Variants in CACNB2 observed in about 807,000 individuals in gnomAD.
The protein encoded by CACNB2 is calcium voltage-gated channel auxiliary subunit beta 2, also known as voltage-dependent L-type calcium channel subunit beta-2.
A neutral mutation model predicts 73.3 loss-of-function variants in CACNB2; 42 were observed. The ratio of observed to expected loss-of-function variants is 0.57; its 90% CI spans 0.45 to 0.74. The LOEUF is 0.74. Among genes scored for constraint, CACNB2 ranks in the 30% least tolerant of loss-of-function variants. The pLI, the probability that CACNB2 is intolerant of heterozygous loss-of-function variation, is 0.00. For synonymous variants in CACNB2, 348 were observed against 310.3 expected (o/e 1.12, Z -1.28); for missense variants, 940 against 853.0 (o/e 1.10, Z -1.27).
rs2050290692 is a variant in CACNB2, at chr10:18,502,976, A to T, written c.593+2028A>T. Among the ~76,000 whole-genome samples, 9 of 152,162 alleles carry T rather than the reference A, an allele frequency of 5.9e-5. 1 individual carries two copies. Among genetic ancestry groups the T allele is most frequent in the Admixed American group, 5.9e-4 (9 of 15,278 alleles). Reference sequence around the variant, plus strand: ...AAACTAAAAGTAAAAAAAGAAAAAAAAGTTGCCTGTAAAGATAACCCTCTT... The same window carrying T: ...AAACTAAAAGTAAAAAAAGAAAAAATAGTTGCCTGTAAAGATAACCCTCTT... On this transcript the variant is annotated intron_variant, in intron 5 of 13. Transcript: ENST00000324631.
At chr10:18,534,683 G>A (rs2053390203) in intron 11 of CACNB2, among the ~76,000 whole-genome samples, 2 of 152,170 alleles carry the variant, frequency 1.3e-5, no homozygotes, top group African/African-American at 4.8e-5. Flanking sequence ...TCCTTATAAA[G>A]TAGTAAAGTT....
chr10:18,194,877 C>T lies in CACNB2; in HGVS notation c.213+43902C>T, dbSNP rs77362621. On this transcript the variant is annotated intron_variant, in intron 2 of 13. Coordinates refer to ENST00000324631, the MANE Select transcript of CACNB2 (RefSeq NM_201596.3). Reference sequence around the variant, plus strand: ...CAGTTTCGACATCATGATGTCCATTCACTTTATAGTGATGTTGATTTCCAG... The same window carrying T: ...CAGTTTCGACATCATGATGTCCATTTACTTTATAGTGATGTTGATTTCCAG... 9.7e-3 allele frequency among the ~76,000 whole-genome samples: 1,477 copies of T among 152,258 alleles called. 33 individuals carry two copies. Among genetic ancestry groups the T allele is most frequent in the African/African-American group, 0.034 (1,401 of 41,544 alleles).
At chr10:18,462,578 G>A (rs1315036675) in intron 3 of CACNB2, among the ~76,000 whole-genome samples, 1 of 152,092 alleles carries the variant, frequency 6.6e-6, no homozygotes, top group African/African-American at 2.4e-5. Context: ...TTAAGCAAAT[G>A]TAAACAGTGT....
chr10:18,228,816 TG>T (rs2036117035), intron 2 of CACNB2, among the ~76,000 whole-genome samples: 2 of 152,180 alleles, frequency 1.3e-5, no homozygotes, highest in Admixed American at 1.3e-4. Flanking sequence ...CCCAGCTCGC[TG>T]CAGCCTCTGC....
chr10:18,224,845 C>T (rs1172154251), intron 2 of CACNB2, among the ~76,000 whole-genome samples: 2 of 152,224 alleles, frequency 1.3e-5, no homozygotes, highest in South Asian at 2.1e-4. Context: ...GTTAAAGGGC[C>T]TCAGTCCTCC....
chr10:18,313,938 A>G (rs2040057986), intron 2 of CACNB2, among the ~76,000 whole-genome samples: 1 of 152,244 alleles, frequency 6.6e-6, no homozygotes, highest in Admixed American at 6.5e-5. Context: ...ATTCCGCTTC[A>G]TTGAAATGTT....
chr10:18,463,270 TC>T (rs1261565620), intron 3 of CACNB2, among the ~76,000 whole-genome samples: 2 of 151,984 alleles, frequency 1.3e-5, no homozygotes, highest in African/African-American at 4.8e-5. Flanking sequence ...ACACCTGTAA[TC>T]CCAGCATTTT....
chr10:18,399,178 A>G (rs1300264893), intron 2 of CACNB2, among the ~76,000 whole-genome samples: 1 of 151,984 alleles, frequency 6.6e-6, no homozygotes, highest in Non-Finnish European at 1.5e-5. Context: ...GACAGTGGGG[A>G]CAGGGGCCCC....
intron 2 of CACNB2, among the ~76,000 whole-genome samples, chr10:18,255,008 T>C (rs2037225056): frequency 6.6e-6 from 1 of 152,026 alleles, no homozygotes. Flanking sequence ...CATGAGAGCA[T>C]CATCTTTTGC....
At chr10:18,174,320 C>G (rs988807390) in intron 2 of CACNB2, among the ~76,000 whole-genome samples, 4 of 145,926 alleles carry the variant, frequency 2.7e-5, no homozygotes, top group Admixed American at 1.4e-4. Context: ...TCCCTCCCTC[C>G]CCCCTCTTTT....
chr10:18,250,913 G>A (rs1225872021), intron 2 of CACNB2, among the ~76,000 whole-genome samples: 1 of 152,256 alleles, frequency 6.6e-6, no homozygotes, highest in African/African-American at 2.4e-5. Context: ...TTGGTAGTTA[G>A]GTGTTGGGAG....
At chr10:18,194,615 C>T (rs191668470) in intron 2 of CACNB2, among the ~76,000 whole-genome samples, 43 of 152,276 alleles carry the variant, frequency 2.8e-4, no homozygotes, top group Admixed American at 2.2e-3. Context: ...CTGGGACAGG[C>T]AATCACAGCT....
chr10:18,460,449 G>T (rs1311934643), intron 3 of CACNB2, among the ~76,000 whole-genome samples: 1 of 152,106 alleles, frequency 6.6e-6, no homozygotes, highest in East Asian at 1.9e-4. Context: ...TCTAATATGT[G>T]TAGGGATATT....
At chr10:18,320,561 G>C (rs2040363439) in intron 2 of CACNB2, among the ~76,000 whole-genome samples, 1 of 152,176 alleles carries the variant, frequency 6.6e-6, no homozygotes, top group Non-Finnish European at 1.5e-5. Context: ...TCTGAATTTA[G>C]ACTGCGGGGA....
chr10:18,419,827 T>C (rs1336579623), intron 3 of CACNB2, among the ~76,000 whole-genome samples: 1 of 152,202 alleles, frequency 6.6e-6, no homozygotes, highest in African/African-American at 2.4e-5. Context: ...TTACAAAAGC[T>C]TGTGATCAGC....
At position 18,174,424 on chromosome 10, in the gene CACNB2, C is replaced by G. The variant is rs185120804; in HGVS notation, c.213+23449C>G. Reference sequence around the variant, plus strand: ...TCTTTCTTTCCTTCTTTCCTTCTTTCTTGAGTTTTGCTCTTGCCGCCCAGG... The same window carrying G: ...TCTTTCTTTCCTTCTTTCCTTCTTTGTTGAGTTTTGCTCTTGCCGCCCAGG... On this transcript the variant is annotated intron_variant, in intron 2 of 13. Transcript: ENST00000324631. 2.3e-5 allele frequency among the ~76,000 whole-genome samples: 3 copies of G among 129,486 alleles called. No individual in the cohort carries two copies. In the East Asian group the frequency reaches 7.0e-4, roughly 30 times the overall value. 84.9% of individuals were successfully genotyped at this position (129,486 alleles called of 152,430 possible). A position where few individuals can be genotyped will look rare whatever the true frequency, so the allele number is the denominator to read the frequency against.
chr10:18,307,982 A>ATTT (rs1564423318), intron 2 of CACNB2, among the ~76,000 whole-genome samples: 1 of 52,668 alleles, frequency 1.9e-5, no homozygotes, highest in African/African-American at 9.1e-5. Context: ...ATATATGCCA[A>ATTT]CTTTTTTTTT....
intron 2 of CACNB2, among the ~76,000 whole-genome samples, chr10:18,222,989 T>A (rs7896607): frequency 2.0e-5 from 3 of 152,040 alleles, no homozygotes; most frequent in South Asian, 2.1e-4. Flanking sequence ...CTTTCATTCC[T>A]TTGTTAACTT....
At chr10:18,378,146 G>A (rs1448028716) in intron 2 of CACNB2, among the ~76,000 whole-genome samples, 1 of 152,098 alleles carries the variant, frequency 6.6e-6, no homozygotes, top group East Asian at 1.9e-4. Context: ...GAATTACAGG[G>A]ACACGCAACT....
Sources: allele counts gnomAD v4.1 joint callset (sites outside exome capture counted in the v4.1 genomes callset), GRCh38; gene constraint gnomAD v4.1.1; transcripts MANE v1.5; gene names NCBI Gene and HGNC (gene_info 2026-07-23, HGNC 2026-07-21).